Variants in IVD observed in about 807,000 individuals in gnomAD.
IVD encodes the protein isovaleryl-CoA dehydrogenase.
A neutral mutation model predicts 51.3 loss-of-function variants in IVD; 31 were observed. The ratio of observed to expected loss-of-function variants is 0.60; its 90% CI spans 0.45 to 0.81. The LOEUF (loss-of-function observed/expected upper bound fraction) is 0.81. IVD is among the 40% of genes least tolerant of loss of function. The probability of loss-of-function intolerance (pLI) is 0.00; values close to 1 mark genes in which losing one functional copy is unlikely to be tolerated. For missense variants in IVD, 475 were observed against 552.0 expected (o/e 0.86, Z 1.40); for synonymous variants, 205 against 219.4 (o/e 0.93, Z 0.58).
intron 7 of IVD, among the ~76,000 whole-genome samples, chr15:40,431,318 A>G: frequency 6.6e-6 from 1 of 152,042 alleles, no homozygotes; most frequent in East Asian, 1.9e-4. Flanking sequence ...CTGGGAAGTT[A>G]CCGAACCTCT....
At chr15:40,424,398 A>C, downstream of IVD, 2 of 292,508 alleles carry the variant, frequency 6.8e-6, no homozygotes, top group South Asian at 5.4e-5. Flanking sequence ...AGCCCTTCAA[A>C]CTTTCTCTTG....
At position 40,420,544 on chromosome 15, in the gene IVD, C is replaced by A; in HGVS notation, c.*2281C>A. On this transcript the variant is annotated 3_prime_UTR_variant, in exon 12 of 12. Coordinates refer to ENST00000487418, the MANE Select transcript of IVD (RefSeq NM_002225.5). ...CTGGCCCAGGTCCTATTCCTGTCCTCCAGCCCGTTCTTTCATGAGGGACAG... is the reference window on the plus strand; with the variant it reads ...CTGGCCCAGGTCCTATTCCTGTCCTACAGCCCGTTCTTTCATGAGGGACAG... 1.0e-6 allele frequency: 1 copy of A among 987,598 alleles called. No individual in the cohort carries two copies. The highest frequency in any genetic ancestry group is 1.2e-6 in the Non-Finnish European group (1 of 830,114). The allele number at this position is 987,598 out of a possible 1,614,324, so 61.2% of individuals were successfully genotyped here. A position where few individuals can be genotyped will look rare whatever the true frequency, so the allele number is the denominator to read the frequency against.
rs200977412 is a variant in IVD at position 40,405,832 on chromosome 15, C to A, written c.5C>A (p.Ala2Glu). The stretch of plus-strand genomic sequence containing the variant: ...GGCTCTTCGTGCATGGCAGAGATGG[C>A]GACTGCGACTCGGCTGCTGGGGTGG... M[A>E]TATRLLGWRV... The change falls in exon 1 of 12, where the codon GCG (alanine) becomes GAG (glutamate). Residue 2 changes from alanine to glutamate, a missense_variant. Transcript: ENST00000487418. The A allele has an allele frequency of 1.2e-6, 2 of 1,611,620 alleles. No homozygotes were observed. Among genetic ancestry groups the A allele is most frequent in the South Asian group, 2.2e-5 (2 of 90,962 alleles).
rs372436148 is a variant in IVD at position 40,413,079 on chromosome 15, A to G, written c.776A>G (p.Lys259Arg). The change falls in exon 7 of 12, where the codon AAG (lysine) becomes AGG (arginine). Residue 259 changes from lysine (K) to arginine (R), a missense_variant. By Grantham distance (26) the Lys-to-Arg change is conservative (BLOSUM62 2). Transcript: ENST00000487418. ...TGTGAGCTAATCTTTGAAGACTGCA[A>G]GATTCCTGGTAAGTAGCACCGGGAA... ...NTCELIFEDCKIPAANILGHE... is the reference protein window; with the variant it reads ...NTCELIFEDCRIPAANILGHE... 1.9e-6 allele frequency: 3 copies of G among 1,613,138 alleles called. No individual in the cohort carries two copies. The highest frequency in any genetic ancestry group is 1.3e-5 in the African/African-American group (1 of 74,926).
At chr15:40,407,879 A>C (rs1890630711) in intron 2 of IVD, 60 bp from the exon 3 acceptor site, 3 of 1,570,434 alleles carry the variant, frequency 1.9e-6, no homozygotes, top group Non-Finnish European at 2.6e-6. Context: ...TGTTCCAGCC[A>C]CATGTGACTG....
intron 8 of IVD, 83 bp downstream of exon 8, chr15:40,415,065 C>T (rs936230034): frequency 2.4e-5 from 36 of 1,516,130 alleles, no homozygotes; most frequent in Admixed American, 5.5e-5. Flanking sequence ...CAGCCTTCCC[C>T]TTGCGGGGCC....
Position 40,418,204 on chromosome 15 carries a change from G to C in IVD, c.1213G>C (p.Gly405Arg), listed in dbSNP as rs766678713. 3 of 1,614,196 alleles carry C rather than the reference G, an allele frequency of 1.9e-6. No individual in the cohort carries two copies. Among genetic ancestry groups the C allele is most frequent in the Non-Finnish European group, 2.5e-6 (3 of 1,180,034 alleles). Residue 405 changes from glycine (G) to arginine (R), a missense_variant, in exon 12 of 12, where the codon GGG (glycine) becomes CGG (arginine). Gly to Arg is a moderately radical substitution (Grantham distance 125). Coordinates refer to ENST00000487418, the MANE Select transcript of IVD (RefSeq NM_002225.5). ...TGCCAAGCTGTATGAGATAGGGGCT[G>C]GGACCAGCGAGGTGAGGCGGCTGGT... The part of the protein sequence containing the change: ...RDAKLYEIGA[G>R]TSEVRRLVIG...
At chr15:40,430,356 TAGG>T (rs1892903169) in intron 7 of IVD, among the ~76,000 whole-genome samples, 1 of 152,108 alleles carries the variant, frequency 6.6e-6, no homozygotes, top group South Asian at 2.1e-4. Context: ...CCAGGCTTGC[TAGG>T]AGGAGAGCAT....
At chr15:40,407,557 T>C (rs939234836) in intron 1 of IVD, 79 bp from the exon 2 acceptor site, 9 of 1,031,462 alleles carry the variant, frequency 8.7e-6, no homozygotes, top group African/African-American at 6.3e-5. Context: ...GGGAAGTTAC[T>C]TGTGGCCTTT....
At chr15:40,429,864 T>C (rs1892875620) in intron 7 of IVD, among the ~76,000 whole-genome samples, 1 of 152,266 alleles carries the variant, frequency 6.6e-6, no homozygotes, top group Non-Finnish European at 1.5e-5. Context: ...GCCAGAACTG[T>C]AACTTTTATG....
intron 11 of IVD, among the ~76,000 whole-genome samples, chr15:40,416,867 C>G (rs1006594369): frequency 6.6e-6 from 1 of 152,172 alleles, no homozygotes; most frequent in South Asian, 2.1e-4. Flanking sequence ...GCAACACCCC[C>G]CTCTCATCCT....
chr15:40,430,786 C>T (rs1324827108), intron 7 of IVD, among the ~76,000 whole-genome samples: 3 of 152,160 alleles, frequency 2.0e-5, no homozygotes, highest in African/African-American at 7.2e-5. Flanking sequence ...TGGAAGTTGG[C>T]TGAAGTGTAT....
downstream of IVD, among the ~76,000 whole-genome samples, chr15:40,425,295 A>C (rs1892604019): frequency 6.6e-6 from 1 of 151,936 alleles, no homozygotes; most frequent in Admixed American, 6.6e-5. Context: ...CCCCTCCTTG[A>C]CATATTCTCC....
At chr15:40,428,706 T>C (rs1327529498), downstream of IVD, among the ~76,000 whole-genome samples, 2 of 152,196 alleles carry the variant, frequency 1.3e-5, no homozygotes, top group Admixed American at 6.5e-5. Context: ...CAACCTCCTG[T>C]TCGGGACTCC....
rs532655934 is a variant in IVD at position 40,418,784 on chromosome 15, C to T, written c.*521C>T. The T allele has an allele frequency of 9.8e-5, 107 of 1,088,032 alleles. 1 individual carries two copies. The African/African-American group carries it at 1.7e-3, about 18-fold the overall frequency. The allele number at this position is 1,088,032 out of a possible 1,614,324, so 67.4% of individuals were successfully genotyped here. On this transcript the variant is annotated 3_prime_UTR_variant, in exon 12 of 12. Coordinates refer to ENST00000487418, the MANE Select transcript of IVD (RefSeq NM_002225.5). The stretch of plus-strand genomic sequence containing the variant: ...AATCTGAAACACTTGTGGTTCCAAG[C>T]ATTTTGGATAAGGCAAATTCAACTT...
At chr15:40,424,093 C>A (rs928587930), downstream of IVD, 6 of 1,213,626 alleles carry the variant, frequency 4.9e-6, no homozygotes, top group Admixed American at 7.2e-5. Context: ...TTAAATACTT[C>A]CTGGATCTTA....
At chr15:40,426,260 A>G (rs1187697471), downstream of IVD, among the ~76,000 whole-genome samples, 1 of 152,108 alleles carries the variant, frequency 6.6e-6, no homozygotes, top group Non-Finnish European at 1.5e-5. Context: ...ATTCCTGGCC[A>G]GACGCGGTGG....
chr15:40,414,977 T>C lies in IVD; in HGVS notation c.873T>C (p.Pro291=), dbSNP rs537402391. 5.6e-6 allele frequency: 9 copies of C among 1,613,696 alleles called. No homozygotes were observed. In the African/African-American group the frequency reaches 1.1e-4, roughly 19 times the overall value. The part of the protein sequence containing the change: ...DLERLVLAGG[P]LGLMQAVLDH... ...AGCGGCTGGTGCTGGCCGGGGGGCC[T>C]CTTGGGTAAGTGTGAGAGGCTTGAG... Residue 291 remains proline (P), a synonymous_variant, in exon 8 of 12, where the codon CCT becomes CCC. Transcript: ENST00000487418.
intron 11 of IVD, among the ~76,000 whole-genome samples, chr15:40,417,725 T>A (rs534435120): frequency 6.6e-6 from 1 of 152,308 alleles, no homozygotes; most frequent in East Asian, 1.9e-4. Flanking sequence ...GTGCCTGTGT[T>A]CAAGTAACTC....
Sources: gnomAD v4.1 joint callset for allele counts (sites outside exome capture counted in the v4.1 genomes callset) on GRCh38, gnomAD v4.1.1 for gene constraint, MANE v1.5 for transcripts, NCBI Gene and HGNC (gene_info 2026-07-23, HGNC 2026-07-21) for gene names.